HIBCH: variants seen among roughly 807,000 people sequenced by gnomAD.
HIBCH encodes 3-hydroxyisobutyryl-CoA hydrolase, also known as 3-hydroxyisobutyryl-CoA hydrolase, mitochondrial.
Under a neutral mutation model 58.2 loss-of-function variants are expected in HIBCH, and 50 were observed. The observed-to-expected ratio is 0.86, with a 90% CI of 0.68 to 1.09. The LOEUF (loss-of-function observed/expected upper bound fraction) is 1.09. HIBCH is among the 50% of genes least tolerant of loss of function. The pLI is 0.00. For synonymous variants in HIBCH, 151 were observed against 146.9 expected (o/e 1.03, Z -0.20); for missense variants, 450 against 449.7 (o/e 1.00, Z -0.01).
chr2:190,219,967 A>C (rs1685670754), intron 11 of HIBCH, among the ~76,000 whole-genome samples: 1 of 152,246 alleles, frequency 6.6e-6, no homozygotes. Context: ...TCTTAACTAT[A>C]GTCTTCACCT....
At chr2:190,257,087 C>T (rs1299799583) in intron 7 of HIBCH, among the ~76,000 whole-genome samples, 1 of 152,076 alleles carries the variant, frequency 6.6e-6, no homozygotes, top group Non-Finnish European at 1.5e-5. Flanking sequence ...ACCTAAGTAG[C>T]TCAATAACCA....
Position 190,319,733 on chromosome 2 carries a change from C to T in HIBCH, c.18G>A (p.Met6Ile), listed in dbSNP as rs1336404700. ...TCACTCACCTCGACATGAGCCTCCA[C>T]ATCTCGCGCTGCCCCATCGCCAAAC... is the stretch of plus-strand genomic sequence containing the variant. MGQRE[M>I]WRLMSRFNAF... Residue 6 changes from methionine to isoleucine, a missense_variant, in exon 1 of 14, where the codon ATG (methionine) becomes ATA (isoleucine). Coordinates refer to ENST00000359678, the MANE Select transcript of HIBCH (RefSeq NM_014362.4). The T allele has an allele frequency of 1.2e-6, 2 of 1,613,066 alleles. No homozygotes were observed. The highest frequency in any genetic ancestry group is 2.7e-5 in the African/African-American group (2 of 75,054).
At chr2:190,266,361 C>T (rs1229802338) in intron 6 of HIBCH, among the ~76,000 whole-genome samples, 2 of 152,108 alleles carry the variant, frequency 1.3e-5, no homozygotes, top group East Asian at 1.9e-4. Flanking sequence ...GAAATATGTT[C>T]GAATATTTCT....
intron 6 of HIBCH, among the ~76,000 whole-genome samples, chr2:190,285,329 T>A (rs1309227809): frequency 1.3e-5 from 2 of 152,232 alleles, no homozygotes; most frequent in East Asian, 3.9e-4. Flanking sequence ...CATTTTTTCC[T>A]GGTTTCTTTC....
At chr2:190,192,416 C>T (rs2105875975) in intron 1 of HIBCH, among the ~76,000 whole-genome samples, 2 of 149,724 alleles carry the variant, frequency 1.3e-5, no homozygotes, top group South Asian at 4.2e-4. Flanking sequence ...ATTGTTTTGG[C>T]CATTCTAGTT....
intron 2 of HIBCH, among the ~76,000 whole-genome samples, chr2:190,305,574 A>G (rs975749889): frequency 2.0e-5 from 3 of 152,154 alleles, no homozygotes; most frequent in African/African-American, 7.2e-5. Flanking sequence ...CTGTTTCCAG[A>G]TAAGGTCACA....
chr2:190,200,082 G>A, downstream of HIBCH: 1 of 1,614,076 alleles, frequency 6.2e-7, no homozygotes, highest in Non-Finnish European at 8.5e-7. Context: ...GTGATGCCTT[G>A]CAGCAATGGG....
Position 190,264,584 on chromosome 2 carries a change from CATT to C in HIBCH, c.439-3353_439-3351del, listed in dbSNP as rs1339818326. ...TTACTATCTTACTTCTTTCAGTCAA[CATT>C]ATGTTTGTGAGATTTTATGTTCTTG... On this transcript the variant is annotated intron_variant, in intron 6 of 13. Coordinates refer to ENST00000359678, the MANE Select transcript of HIBCH (RefSeq NM_014362.4). Among the ~76,000 whole-genome samples the C allele has an allele frequency of 1.9e-4, 29 of 152,232 alleles. 1 individual carries two copies. Among genetic ancestry groups the C allele is most frequent in the Admixed American group, 1.4e-3 (22 of 15,282 alleles).
chr2:190,257,207 A>G (rs1351881205), intron 7 of HIBCH, among the ~76,000 whole-genome samples: 1 of 152,216 alleles, frequency 6.6e-6, no homozygotes, highest in Non-Finnish European at 1.5e-5. Context: ...AAGACACAGG[A>G]ACAAAAATAA....
chr2:190,297,908 C>T (rs1020277091), intron 2 of HIBCH, among the ~76,000 whole-genome samples: 37 of 150,910 alleles, frequency 2.5e-4, no homozygotes, highest in Non-Finnish European at 4.4e-4. Flanking sequence ...CTCCCCTTGC[C>T]CCCCACCCCC....
chr2:190,260,993 T>G (rs1273529320), intron 7 of HIBCH, among the ~76,000 whole-genome samples, 163 bp downstream of exon 7: 2 of 152,214 alleles, frequency 1.3e-5, no homozygotes, highest in East Asian at 3.8e-4. Flanking sequence ...ATTGAGCTAA[T>G]ATAGACTTCA....
chr2:190,245,352 C>G (rs1686575951), intron 10 of HIBCH: 3 of 200,998 alleles, frequency 1.5e-5, no homozygotes, highest in Admixed American at 1.1e-4. Context: ...ACCTTTTTTG[C>G]TGATCGGCTT....
intron 11 of HIBCH, among the ~76,000 whole-genome samples, chr2:190,239,517 G>C (rs1446666091): frequency 1.3e-5 from 2 of 152,132 alleles, no homozygotes; most frequent in Non-Finnish European, 2.9e-5. Context: ...TAGCTTGATA[G>C]GAATAGCACT....
At chr2:190,208,244 G>A (rs1046828461) in intron 13 of HIBCH, among the ~76,000 whole-genome samples, 2 of 152,180 alleles carry the variant, frequency 1.3e-5, no homozygotes, top group Non-Finnish European at 2.9e-5. Context: ...CAGGCAAGAA[G>A]GTGGAAAGTA....
chr2:190,269,606 C>G (rs770904776), intron 6 of HIBCH, among the ~76,000 whole-genome samples: 5 of 152,172 alleles, frequency 3.3e-5, no homozygotes, highest in Admixed American at 6.5e-5. Context: ...AAAATGGGAA[C>G]ACTTTACACT....
chr2:190,256,272 A>T (rs1290300451), intron 7 of HIBCH, among the ~76,000 whole-genome samples: 2 of 152,114 alleles, frequency 1.3e-5, no homozygotes, highest in Non-Finnish European at 1.5e-5. Flanking sequence ...GAAAATGATT[A>T]TAGAGAACAG....
At chr2:190,251,655 C>A in intron 8 of HIBCH, 1 of 240,974 alleles carries the variant, frequency 4.1e-6, no homozygotes, top group South Asian at 4.9e-5. Flanking sequence ...TTATCCTGTG[C>A]TGAGAAAATT....
At chr2:190,318,633 A>G (rs140309487) in intron 1 of HIBCH, among the ~76,000 whole-genome samples, 195 of 152,310 alleles carry the variant, frequency 1.3e-3, no homozygotes, top group Non-Finnish European at 2.3e-3. Flanking sequence ...TGAATTGTGG[A>G]AATGACAGAT....
intron 11 of HIBCH, among the ~76,000 whole-genome samples, chr2:190,227,403 T>G (rs1685940302): frequency 1.3e-5 from 2 of 152,118 alleles, no homozygotes; most frequent in Non-Finnish European, 2.9e-5. Flanking sequence ...TCCTTACACC[T>G]TATACAAAAA....
Sources: gnomAD v4.1 joint callset for allele counts (sites outside exome capture counted in the v4.1 genomes callset) on GRCh38, gnomAD v4.1.1 for gene constraint, MANE v1.5 for transcripts, NCBI Gene and HGNC (gene_info 2026-07-23, HGNC 2026-07-21) for gene names.